The following FANCC variants were observed in gnomAD, a reference collection of about 807,000 sequenced individuals.
FANCC encodes FA complementation group C, also known as Fanconi anemia group C protein.
A neutral mutation model predicts 71.3 loss-of-function variants in FANCC; 55 were observed. That is an observed-to-expected ratio of 0.77 (90% CI 0.62 to 0.97). The LOEUF (loss-of-function observed/expected upper bound fraction) is 0.97. FANCC is among the 50% of genes least tolerant of loss of function. The pLI, the probability that FANCC is intolerant of heterozygous loss-of-function variation, is 0.00. For missense variants in FANCC, 678 were observed against 670.9 expected, an observed-to-expected ratio of 1.01 and a Z score of -0.12; for synonymous variants, 275 against 244.9, an observed-to-expected ratio of 1.12 and a Z score of -1.15.
At chr9:95,227,656 A>G (rs1220518405) in intron 4 of FANCC, among the ~76,000 whole-genome samples, 1 of 152,148 alleles carries the variant, frequency 6.6e-6, no homozygotes, top group Non-Finnish European at 1.5e-5. Flanking sequence ...TTATATTTAC[A>G]TATGTGTCCC....
intron 1 of FANCC, among the ~76,000 whole-genome samples, chr9:95,291,925 G>A (rs1834027483): frequency 1.6e-5 from 2 of 123,950 alleles, no homozygotes; most frequent in South Asian, 2.9e-4. Flanking sequence ...TCCAGCCTAG[G>A]TGAGAGAGTG....
At chr9:95,160,841 G>A (rs1393837260) in intron 6 of FANCC, among the ~76,000 whole-genome samples, 1 of 152,142 alleles carries the variant, frequency 6.6e-6, no homozygotes, top group East Asian at 1.9e-4. Context: ...TCTGTTATTG[G>A]TGTATAGGAA....
At position 95,101,380 on chromosome 9, in the gene FANCC, C is replaced by A; in HGVS notation, c.*327G>T. ...TTTAAATAATAGATGTGCAGCTTGA[C>A]TTGGGTAAAAACTAGAAACCTGTTC... On this transcript the variant is annotated 3_prime_UTR_variant, in exon 15 of 15. Transcript: ENST00000289081. 4.8e-6 allele frequency: 2 copies of A among 421,010 alleles called. No individual in the cohort carries two copies. The highest frequency in any genetic ancestry group is 6.1e-5 in the South Asian group (2 of 32,760). The allele number at this position is 421,010 out of a possible 1,614,324, so 26.1% of individuals were successfully genotyped here. A position where few individuals can be genotyped will look rare whatever the true frequency, so the allele number is the denominator to read the frequency against.
chr9:95,218,643 A>G (rs1263145860), intron 4 of FANCC, among the ~76,000 whole-genome samples: 1 of 152,216 alleles, frequency 6.6e-6, no homozygotes, highest in Non-Finnish European at 1.5e-5. Flanking sequence ...AGTAATGAAA[A>G]GTAGGTTTAA....
chr9:95,293,392 T>C, intron 1 of FANCC: 2 of 1,582,204 alleles, frequency 1.3e-6, no homozygotes, highest in Non-Finnish European at 1.7e-6. Flanking sequence ...GTAGGAACCC[T>C]GATCCTCGGC....
At chr9:95,255,409 G>A (rs1831602616) in intron 1 of FANCC, among the ~76,000 whole-genome samples, 1 of 152,286 alleles carries the variant, frequency 6.6e-6, no homozygotes, top group South Asian at 2.1e-4. Context: ...TGATACCCAG[G>A]CAAACAGCGT....
intron 14 of FANCC, among the ~76,000 whole-genome samples, chr9:95,105,527 TATAC>T (rs1324874698): frequency 1.3e-5 from 2 of 152,178 alleles, no homozygotes. Context: ...TGTGGTAAAA[TATAC>T]ATAAAATGTG....
intron 4 of FANCC, among the ~76,000 whole-genome samples, chr9:95,193,126 T>C (rs748777347): frequency 6.6e-6 from 1 of 152,040 alleles, no homozygotes; most frequent in African/African-American, 2.4e-5. Flanking sequence ...CGAACACATA[T>C]AGAAGTCAAC....
intron 11 of FANCC, among the ~76,000 whole-genome samples, chr9:95,115,826 C>T (rs942569427): frequency 2.0e-5 from 3 of 152,174 alleles, no homozygotes; most frequent in African/African-American, 7.2e-5. Context: ...ATGTTTATTT[C>T]GCATTTCCTC....
At chr9:95,214,427 G>C (rs1356002837) in intron 4 of FANCC, among the ~76,000 whole-genome samples, 3 of 152,040 alleles carry the variant, frequency 2.0e-5, no homozygotes, top group African/African-American at 7.2e-5. Context: ...GCAAGACCTT[G>C]TCTCTAAAAA....
At chr9:95,236,322 A>G (rs1484375591) in intron 4 of FANCC, among the ~76,000 whole-genome samples, 1 of 152,176 alleles carries the variant, frequency 6.6e-6, no homozygotes, top group Non-Finnish European at 1.5e-5. Flanking sequence ...CTCAGCCTCT[A>G]TAGTTGTGCC....
In FANCC at chr9:95,303,450, T is replaced by C. The variant is rs1834876445; in HGVS notation, c.-79+14076A>G. 3.3e-5 allele frequency among the ~76,000 whole-genome samples: 5 copies of C among 152,220 alleles called. No individual in the cohort carries two copies. In the South Asian group the frequency reaches 1.0e-3, roughly 32 times the overall value. ...GTTCACCTTTATGAAGCTGAGGTCC[T>C]AGCTTGACCTCAACCTGTCTTCGTC... On this transcript the variant is annotated intron_variant, in intron 1 of 14. Transcript: ENST00000289081.
chr9:95,314,808 T>A (rs1045269167), intron 1 of FANCC, among the ~76,000 whole-genome samples: 1 of 152,106 alleles, frequency 6.6e-6, no homozygotes, highest in Non-Finnish European at 1.5e-5. Flanking sequence ...TAAATACTGC[T>A]AAGAGAAATT....
chr9:95,176,070 G>C (rs1380990880), intron 4 of FANCC, among the ~76,000 whole-genome samples: 6 of 152,076 alleles, frequency 3.9e-5, no homozygotes, highest in Non-Finnish European at 8.8e-5. Context: ...TACACACCAG[G>C]GGCTGTTCTA....
intron 1 of FANCC, among the ~76,000 whole-genome samples, chr9:95,259,895 T>A (rs1226104645): frequency 6.6e-6 from 1 of 152,192 alleles, no homozygotes; most frequent in Non-Finnish European, 1.5e-5. Context: ...GAACAGACAC[T>A]TCTCAAAAGA....
rs1293866039 is a variant in FANCC, at chr9:95,117,410, C to A, written c.997-20G>T. The A allele has an allele frequency of 6.2e-7, 1 of 1,607,616 alleles. No homozygotes were observed. Among genetic ancestry groups the A allele is most frequent in the East Asian group, 2.2e-5 (1 of 44,824 alleles). ...CCGCAGCTGCCACAGGATGGAAAAT[C>A]CAAAGAGCATGAACATTAAGATTGA... On this transcript the variant is annotated intron_variant, in intron 10 of 14. Coordinates refer to ENST00000289081, the MANE Select transcript of FANCC (RefSeq NM_000136.3).
intron 4 of FANCC, among the ~76,000 whole-genome samples, chr9:95,174,651 T>A (rs1825900766): frequency 6.6e-6 from 1 of 152,220 alleles, no homozygotes; most frequent in African/African-American, 2.4e-5. Context: ...TATTTGGAAA[T>A]ATTTGATCTT....
At chr9:95,155,882 C>CT in intron 6 of FANCC, among the ~76,000 whole-genome samples, 2 of 91,674 alleles carry the variant, frequency 2.2e-5, no homozygotes, top group East Asian at 6.8e-4. Flanking sequence ...CCACATCTGG[C>CT]TTTTTTTGGG....
At chr9:95,283,240 C>T (rs530136476) in intron 1 of FANCC, among the ~76,000 whole-genome samples, 7 of 152,322 alleles carry the variant, frequency 4.6e-5, no homozygotes, top group African/African-American at 1.7e-4. Flanking sequence ...TGTCACCACA[C>T]CCAGCTGGAC....
Sources: gnomAD v4.1 joint callset for allele counts (sites outside exome capture counted in the v4.1 genomes callset) on GRCh38, gnomAD v4.1.1 for gene constraint, MANE v1.5 for transcripts, NCBI Gene and HGNC (gene_info 2026-07-23, HGNC 2026-07-21) for gene names.